COL5A1: variants seen among roughly 807,000 people sequenced by gnomAD.
COL5A1 encodes the protein collagen type V alpha 1 chain, also known as collagen alpha-1(V) chain.
COL5A1 carries 16 observed loss-of-function variants against 263.7 expected under a neutral mutation model. That is an observed-to-expected ratio of 0.06 (90% CI 0.04 to 0.09). The LOEUF is 0.09. COL5A1 is among the 10% of genes least tolerant of loss of function. The pLI is 1.00. For synonymous variants in COL5A1, 1,012 were observed against 1,004.5 expected, an observed-to-expected ratio of 1.01 and a Z score of -0.14; for missense variants, 2,036 against 2,540.5, an observed-to-expected ratio of 0.80 and a Z score of 4.27.
intron 50 of COL5A1, among the ~76,000 whole-genome samples, chr9:134,815,139 G>A (rs1406151098): frequency 6.6e-6 from 1 of 152,232 alleles, no homozygotes; most frequent in Non-Finnish European, 1.5e-5. Context: ...TTCTCTGTGG[G>A]CCAGGCGGCC....
At chr9:134,820,248 T>C in intron 58 of COL5A1, 25 bp downstream of exon 58, 2 of 1,583,432 alleles carry the variant, frequency 1.3e-6, no homozygotes, top group Non-Finnish European at 1.7e-6. Flanking sequence ...ACTTCTTGCA[T>C]GTGGGCTGTC....
Position 134,798,403 on chromosome 9 carries a change from T to C in COL5A1, c.2899-5T>C, listed in dbSNP as rs1231835275. ...GAACCTCCTTTCCTTTGGTTTTTTC[T>C]TCAGGGCCCTCCAGGCAAGGATGGA... On this transcript the variant is annotated splice_region_variant and splice_polypyrimidine_tract_variant and intron_variant, in intron 36 of 65. Coordinates refer to ENST00000371817, the MANE Select transcript of COL5A1 (RefSeq NM_000093.5). The C allele has an allele frequency of 6.2e-7, 1 of 1,614,000 alleles. No individual in the cohort carries two copies. Among genetic ancestry groups the C allele is most frequent in the Non-Finnish European group, 8.5e-7 (1 of 1,179,968 alleles).
intron 27 of COL5A1, among the ~76,000 whole-genome samples, chr9:134,775,819 C>T (rs1837032348): frequency 6.6e-6 from 1 of 152,200 alleles, no homozygotes; most frequent in Non-Finnish European, 1.5e-5. Flanking sequence ...CTCCCCTGCC[C>T]CTCACCTCCC....
At chr9:134,667,941 T>G (rs7042369) in intron 1 of COL5A1, among the ~76,000 whole-genome samples, 35,656 of 152,170 alleles carry the variant, frequency 0.23, 5,271 homozygotes, top group African/African-American at 0.42. Context: ...TCCTACCAGG[T>G]AGGCTGAGCT....
At chr9:134,702,374 C>T (rs1025071981) in intron 4 of COL5A1, among the ~76,000 whole-genome samples, 3 of 152,170 alleles carry the variant, frequency 2.0e-5, no homozygotes, top group Non-Finnish European at 4.4e-5. Flanking sequence ...TGTCTCCTCC[C>T]TAAATCCCCG....
chr9:134,659,252 G>C (rs1284226287), intron 1 of COL5A1, among the ~76,000 whole-genome samples: 1 of 152,188 alleles, frequency 6.6e-6, no homozygotes, highest in African/African-American at 2.4e-5. Flanking sequence ...AGCCGGGCGT[G>C]ATGGTGCATG....
chr9:134,652,640 C>T lies in COL5A1; in HGVS notation c.109+10344C>T, dbSNP rs1043472487. On this transcript the variant is annotated intron_variant, in intron 1 of 65. Coordinates refer to ENST00000371817, the MANE Select transcript of COL5A1 (RefSeq NM_000093.5). This position sits in a 1 kb window ranked among gnomAD's most constrained non-coding sequence, Gnocchi z 4.4. ...CACGGGACAGCCCCCACCAAAAAGA[C>T]TGACCCAGCCCGGAGGCTGCAGGAA... 4.3e-6 allele frequency: 2 copies of T among 469,552 alleles called. No individual in the cohort carries two copies. Among genetic ancestry groups the T allele is most frequent in the Admixed American group, 2.4e-5 (1 of 42,484 alleles). The allele number at this position is 469,552 out of a possible 1,614,324, so 29.1% of individuals were successfully genotyped here.
rs546039484 is a variant in COL5A1 at position 134,841,683 on chromosome 9, C to T, written c.5371-474C>T. Reference sequence around the variant, plus strand: ...GGGGGGTCTTACTTGGCTCAAGGCTCTGCCGGTGCCGCCTCGGACTCCTTC... The same window carrying T: ...GGGGGGTCTTACTTGGCTCAAGGCTTTGCCGGTGCCGCCTCGGACTCCTTC... On this transcript the variant is annotated intron_variant, in intron 65 of 65. Coordinates refer to ENST00000371817, the MANE Select transcript of COL5A1 (RefSeq NM_000093.5). This position sits in a 1 kb window ranked among gnomAD's most constrained non-coding sequence, Gnocchi z 4.8. 4.2e-3 allele frequency among the ~76,000 whole-genome samples: 642 copies of T among 152,242 alleles called. 4 individuals carry two copies. Among genetic ancestry groups the T allele is most frequent in the Non-Finnish European group, 7.7e-3 (527 of 68,018 alleles).
At position 134,696,502 on chromosome 9, in the gene COL5A1, G is replaced by A. The variant is rs74559797; in HGVS notation, c.278-3407G>A. 0.026 allele frequency among the ~76,000 whole-genome samples: 4,003 copies of A among 152,220 alleles called. 66 individuals carry two copies. The highest frequency in any genetic ancestry group is 0.043 in the Non-Finnish European group (2,896 of 68,018). ...TGCAATTATTTAACTAACTGGTTTG[G>A]TTTGATGATTTCTGTTTGTATCGTG... On this transcript the variant is annotated intron_variant, in intron 2 of 65. Transcript: ENST00000371817. The surrounding 1 kb of genome is among the most constrained non-coding windows in gnomAD (Gnocchi z 4.3).
chr9:134,724,482 C>T (rs760794072), intron 4 of COL5A1, among the ~76,000 whole-genome samples: 6 of 152,200 alleles, frequency 3.9e-5, no homozygotes, highest in Non-Finnish European at 7.3e-5. Flanking sequence ...GGGATTCCCT[C>T]CGCCCCGCCC....
chr9:134,690,417 T>G (rs955140002), intron 1 of COL5A1, among the ~76,000 whole-genome samples: 1 of 152,218 alleles, frequency 6.6e-6, no homozygotes, highest in African/African-American at 2.4e-5. Context: ...CCACCGGTTC[T>G]CCTGTGTCAT....
intron 2 of COL5A1, among the ~76,000 whole-genome samples, chr9:134,697,548 T>G (rs977929367): frequency 6.6e-6 from 1 of 151,594 alleles, no homozygotes; most frequent in Non-Finnish European, 1.5e-5. Flanking sequence ...GCAATGAGAG[T>G]GAGGGAGTGG....
intron 4 of COL5A1, among the ~76,000 whole-genome samples, chr9:134,719,528 G>T (rs1306492513): frequency 2.0e-5 from 3 of 152,254 alleles, no homozygotes; most frequent in African/African-American, 7.2e-5. Context: ...GGGGTTGCTG[G>T]CTGGGCTTCC....
intron 1 of COL5A1, among the ~76,000 whole-genome samples, chr9:134,679,223 C>T (rs1832762250): frequency 6.6e-6 from 1 of 152,078 alleles, no homozygotes; most frequent in South Asian, 2.1e-4. Flanking sequence ...AGTCCCTCCC[C>T]GATCTGTCCC....
At position 134,742,351 on chromosome 9, in the gene COL5A1, G is replaced by T. The variant is rs1835335397; in HGVS notation, c.1494+3543G>T. On this transcript the variant is annotated intron_variant, in intron 11 of 65. Coordinates refer to ENST00000371817, the MANE Select transcript of COL5A1 (RefSeq NM_000093.5). This position sits in a 1 kb window ranked among gnomAD's most constrained non-coding sequence, Gnocchi z 4.6. ...CAGACCAGGCACGGTTAGACAGCAA[G>T]AATTAATTAGTAAAGGCATTGGAGG... Among the ~76,000 whole-genome samples the T allele has an allele frequency of 1.3e-5, 2 of 152,148 alleles. No homozygotes were observed. Among genetic ancestry groups the T allele is most frequent in the Admixed American group, 6.5e-5 (1 of 15,276 alleles).
chr9:134,718,300 A>G (rs1231954240), intron 4 of COL5A1, among the ~76,000 whole-genome samples: 1 of 152,236 alleles, frequency 6.6e-6, no homozygotes, highest in Non-Finnish European at 1.5e-5. Flanking sequence ...AGCAGAGCGG[A>G]ATGGCCGTAA....
intron 1 of COL5A1, among the ~76,000 whole-genome samples, chr9:134,645,669 A>T (rs576094007): frequency 6.6e-6 from 1 of 152,356 alleles, no homozygotes; most frequent in East Asian, 1.9e-4. Context: ...GACAGAGCCT[A>T]GGAGTCAGGG....
rs1831313975 is a variant in COL5A1, at chr9:134,642,225, T to C, written c.38T>C (p.Leu13Pro). The C allele has an allele frequency of 7.7e-7, 1 of 1,297,518 alleles. No homozygotes were observed. The highest frequency in any genetic ancestry group is 9.8e-7 in the Non-Finnish European group (1 of 1,019,438). The allele number at this position is 1,297,518 out of a possible 1,614,324, so 80.4% of individuals were successfully genotyped here. A position where few individuals can be genotyped will look rare whatever the true frequency, so the allele number is the denominator to read the frequency against. Residue 13 changes from leucine (L) to proline (P), a missense_variant, in exon 1 of 66, where the codon CTC becomes CCC. Physicochemically the swap from Leu to Pro is moderately conservative, Grantham distance 98. This residue lies in a region of COL5A1 where 600 missense variants were observed against 634.5 expected (regional missense o/e 0.95). Coordinates refer to ENST00000371817, the MANE Select transcript of COL5A1 (RefSeq NM_000093.5). The surrounding 1 kb of genome is among the most constrained non-coding windows in gnomAD (Gnocchi z 4.5). ...ACCCGCTGGAAAGCGCGCAGCGCGC[T>C]CCGCCCGGGCGCCCCGCTGCTGCCC... ...VHTRWKARSA[L>P]RPGAPLLPPL...
intron 64 of COL5A1, among the ~76,000 whole-genome samples, chr9:134,830,560 C>G (rs1839570968): frequency 6.6e-6 from 1 of 152,190 alleles, no homozygotes; most frequent in African/African-American, 2.4e-5. Context: ...ACACAGATCC[C>G]AGACCACTTA....
Sources: allele counts gnomAD v4.1 joint callset (sites outside exome capture counted in the v4.1 genomes callset), GRCh38; gene constraint gnomAD v4.1.1; regional missense constraint gnomAD v4.1.1; non-coding constraint Gnocchi (gnomAD v3.1); transcripts MANE v1.5; gene names NCBI Gene and HGNC (gene_info 2026-07-23, HGNC 2026-07-21).